Variants in PRCP observed in about 807,000 individuals in gnomAD.
PRCP encodes prolylcarboxypeptidase.
Under a neutral mutation model 54.2 loss-of-function variants are expected in PRCP, and 46 were observed. That is an observed-to-expected ratio of 0.85 (90% CI 0.67 to 1.09). The LOEUF is 1.09. PRCP is among the 50% of genes least tolerant of loss of function. The probability of loss-of-function intolerance (pLI) is 0.00; values close to 1 mark genes in which losing one functional copy is unlikely to be tolerated. For missense variants in PRCP, 613 were observed against 596.8 expected, an observed-to-expected ratio of 1.03 and a Z score of -0.28; for synonymous variants, 240 against 212.2, an observed-to-expected ratio of 1.13 and a Z score of -1.14.
intron 1 of PRCP, among the ~76,000 whole-genome samples, chr11:82,871,487 A>G (rs1859483321): frequency 6.6e-6 from 1 of 152,042 alleles, no homozygotes; most frequent in Non-Finnish European, 1.5e-5. Flanking sequence ...ACTGTTCTGA[A>G]TGTTTCTTCT....
rs767587707 is a variant in PRCP, at chr11:82,849,208, C to T, written c.762G>A (p.Leu254=). ...AGTGAAGGGCTCCAGTAAGCCACTG[C>T]AAACCACTGCCTGGGAATAGAATCA... is the stretch of plus-strand genomic sequence containing the variant. ...INRLSNTGSG[L]QWLTGALHLC... The change falls in exon 6 of 9, where the codon TTG becomes TTA. Residue 254 remains leucine (L), a synonymous_variant. Transcript: ENST00000313010. The T allele has an allele frequency of 6.2e-7, 1 of 1,613,954 alleles. No individual in the cohort carries two copies. Among genetic ancestry groups the T allele is most frequent in the East Asian group, 2.2e-5 (1 of 44,884 alleles).
chr11:82,829,795 G>A (rs1390959319), intron 8 of PRCP: 1 of 152,184 alleles, frequency 6.6e-6, no homozygotes, highest in Non-Finnish European at 1.5e-5. Flanking sequence ...CTAGTTGTCT[G>A]TGGCCTCATA....
At chr11:82,894,843 A>G (rs1355885809) in intron 1 of PRCP, among the ~76,000 whole-genome samples, 1 of 152,236 alleles carries the variant, frequency 6.6e-6, no homozygotes, top group Non-Finnish European at 1.5e-5. Context: ...CCAAAAACCT[A>G]AAAGGGTAAA....
intron 1 of PRCP, among the ~76,000 whole-genome samples, chr11:82,899,560 G>A (rs969610635): frequency 1.3e-5 from 2 of 152,194 alleles, no homozygotes; most frequent in African/African-American, 4.8e-5. Context: ...GTGGGGGAAT[G>A]CCTCATGCTG....
At chr11:82,871,390 G>A (rs1456531041) in intron 1 of PRCP, among the ~76,000 whole-genome samples, 1 of 151,960 alleles carries the variant, frequency 6.6e-6, no homozygotes, top group Non-Finnish European at 1.5e-5. Flanking sequence ...TGTTGCCCAG[G>A]CTGGTCTCGA....
chr11:82,889,256 C>T (rs1859941711), intron 1 of PRCP, among the ~76,000 whole-genome samples: 1 of 151,838 alleles, frequency 6.6e-6, no homozygotes, highest in Admixed American at 6.6e-5. Context: ...TACTCAAGAG[C>T]CTGAGGCAGG....
At chr11:82,881,079 C>T (rs1268613060) in intron 1 of PRCP, among the ~76,000 whole-genome samples, 1 of 152,068 alleles carries the variant, frequency 6.6e-6, no homozygotes, top group African/African-American at 2.4e-5. Flanking sequence ...ATGAGAGAAA[C>T]ATTCTTCTTT....
At chr11:82,866,242 G>A (rs1426393180) in intron 1 of PRCP, among the ~76,000 whole-genome samples, 1 of 152,226 alleles carries the variant, frequency 6.6e-6, no homozygotes. Flanking sequence ...TGGTAGCAAA[G>A]GAAATGTTTA....
Position 82,849,912 on chromosome 11 carries a change from A to G in PRCP, c.751+2T>C. The G allele has an allele frequency of 6.8e-7, 1 of 1,466,984 alleles. No homozygotes were observed. The highest frequency in any genetic ancestry group is 9.0e-7 in the Non-Finnish European group (1 of 1,105,976). 90.9% of individuals were successfully genotyped at this position (1,466,984 alleles called of 1,614,324 possible). A position where few individuals can be genotyped will look rare whatever the true frequency, so the allele number is the denominator to read the frequency against. On this transcript the variant is annotated splice_donor_variant, in intron 5 of 8. Transcript: ENST00000313010. LOFTEE classifies it high-confidence loss of function. ...AATTCCATTCTCTTAATTAAAGCTT[A>G]CCAGTATTTGAGAGTCGATTAATGG...
At chr11:82,859,518 T>C (rs1454204703) in intron 2 of PRCP, among the ~76,000 whole-genome samples, 6 of 152,116 alleles carry the variant, frequency 3.9e-5, no homozygotes, top group Non-Finnish European at 8.8e-5. Flanking sequence ...CTAGAGACCA[T>C]AATCAAAATA....
chr11:82,871,177 C>CTTT lies in PRCP; in HGVS notation c.169-11063_169-11061dup, dbSNP rs146234682. Among the ~76,000 whole-genome samples, 190 of 117,364 alleles carry CTTT rather than the reference C, an allele frequency of 1.6e-3. 1 individual carries two copies. The highest frequency in any genetic ancestry group is 4.5e-3 in the Middle Eastern group (1 of 220). 77.0% of individuals were successfully genotyped at this position (117,364 alleles called of 152,430 possible). A position where few individuals can be genotyped will look rare whatever the true frequency, so the allele number is the denominator to read the frequency against. On this transcript the variant is annotated intron_variant, in intron 1 of 8. Coordinates refer to ENST00000313010, the MANE Select transcript of PRCP (RefSeq NM_005040.4). ...ATAGTCTATTGTTCTAAATGTTTCT[C>CTTT]TTTTTTTTTTTTTTTTTTTTTGAAA...
intron 3 of PRCP, 68 bp downstream of exon 3, chr11:82,853,107 CAT>C: frequency 9.3e-7 from 1 of 1,073,764 alleles, no homozygotes; most frequent in Non-Finnish European, 1.3e-6. Context: ...CACAGTGGGG[CAT>C]ATAATTTAGA....
chr11:82,896,057 T>C (rs1473747958), intron 1 of PRCP, among the ~76,000 whole-genome samples: 5 of 152,210 alleles, frequency 3.3e-5, no homozygotes, highest in Admixed American at 6.5e-5. Context: ...GCATTACCAC[T>C]ATTGTCATGC....
rs1484790213 is a variant in PRCP at position 82,825,960 on chromosome 11, GT to G, written c.1275-839del. The G allele has an allele frequency of 2.6e-5, 4 of 152,282 alleles. No homozygotes were observed. In the East Asian group the frequency reaches 7.7e-4, roughly 29 times the overall value. The allele number at this position is 152,282 out of a possible 1,614,324, so 9.4% of individuals were successfully genotyped here. On this transcript the variant is annotated intron_variant, in intron 8 of 8. Transcript: ENST00000313010. Reference sequence around the variant, plus strand: ...GCATCCCTAATAATATTTCTGAACAGTTTTGTTGAGATATAATTCATCTACC... The same window carrying G: ...GCATCCCTAATAATATTTCTGAACAGTTTGTTGAGATATAATTCATCTACC...
intron 1 of PRCP, among the ~76,000 whole-genome samples, chr11:82,881,785 T>C (rs760875272): frequency 6.6e-5 from 10 of 152,116 alleles, no homozygotes; most frequent in Non-Finnish European, 1.2e-4. Flanking sequence ...TTCTATCCCA[T>C]GTGAACAGGA....
intron 2 of PRCP, among the ~76,000 whole-genome samples, chr11:82,857,484 G>T (rs1439686673): frequency 6.6e-6 from 1 of 152,190 alleles, no homozygotes; most frequent in Non-Finnish European, 1.5e-5. Flanking sequence ...CTCCTTGCTA[G>T]AACCATCTAT....
At chr11:82,888,570 C>T (rs568031609) in intron 1 of PRCP, among the ~76,000 whole-genome samples, 11 of 152,316 alleles carry the variant, frequency 7.2e-5, no homozygotes, top group South Asian at 4.1e-4. Context: ...CTCGCCCATA[C>T]ACAAAACAAA....
At chr11:82,834,286 A>G (rs1159934543) in intron 8 of PRCP, among the ~76,000 whole-genome samples, 4 of 152,200 alleles carry the variant, frequency 2.6e-5, no homozygotes, top group Non-Finnish European at 4.4e-5. Flanking sequence ...GACAAACCCA[A>G]AGGCTTATAT....
At chr11:82,841,460 G>A (rs1672611303) in intron 6 of PRCP, among the ~76,000 whole-genome samples, 1 of 152,096 alleles carries the variant, frequency 6.6e-6, no homozygotes, top group Non-Finnish European at 1.5e-5. Context: ...CTGACTGGTT[G>A]TTATTATTAT....
Sources: allele counts gnomAD v4.1 joint callset (sites outside exome capture counted in the v4.1 genomes callset), GRCh38; gene constraint gnomAD v4.1.1; transcripts MANE v1.5; gene names NCBI Gene and HGNC (gene_info 2026-07-23, HGNC 2026-07-21).